Variants in SVOP observed in about 807,000 individuals in gnomAD.
SVOP encodes the protein SV2 related protein.
In SVOP, 17 loss-of-function variants were observed where a neutral mutation model predicts 69.1. The ratio of observed to expected loss-of-function variants is 0.25; its 90% confidence interval spans 0.17 to 0.37. The LOEUF (loss-of-function observed/expected upper bound fraction) is 0.37, where lower values mean the gene tolerates loss of function less well. Ranked by LOEUF, SVOP falls within the 10% of genes least tolerant of loss-of-function variation. SVOP has a pLI of 1.00. For synonymous variants in SVOP, 238 were observed against 238.6 expected (o/e 1.00, Z 0.02); for missense variants, 435 against 597.5 (o/e 0.73, Z 2.84).
chr12:109,000,220 A>T (rs1593205503), intron 1 of SVOP, among the ~76,000 whole-genome samples: 1 of 151,800 alleles, frequency 6.6e-6, no homozygotes, highest in South Asian at 2.1e-4. Context: ...GAAGAAATGG[A>T]TAAATTCCTC....
At chr12:108,928,198 G>A (rs760326882) in intron 11 of SVOP, among the ~76,000 whole-genome samples, 112 of 152,018 alleles carry the variant, frequency 7.4e-4, no homozygotes, top group African/African-American at 2.5e-3. Context: ...GCCACCATGC[G>A]CAGCCAACCC....
chr12:108,966,898 A>G (rs1460318321), intron 5 of SVOP, among the ~76,000 whole-genome samples: 1 of 152,080 alleles, frequency 6.6e-6, no homozygotes, highest in Non-Finnish European at 1.5e-5. Flanking sequence ...CCTGTATTTC[A>G]ATGCTGGCAT....
At chr12:109,012,897 C>G (rs531541695) in intron 1 of SVOP, among the ~76,000 whole-genome samples, 1 of 152,194 alleles carries the variant, frequency 6.6e-6, no homozygotes, top group East Asian at 1.9e-4. Flanking sequence ...CCACTGCACT[C>G]GAGCCTGGGC....
chr12:108,959,568 G>T (rs1192015919), intron 6 of SVOP, among the ~76,000 whole-genome samples: 1 of 151,980 alleles, frequency 6.6e-6, no homozygotes. Context: ...TGGTCAGGCT[G>T]GTCTCAAACT....
chr12:108,999,289 C>T (rs1208013093), intron 1 of SVOP, among the ~76,000 whole-genome samples: 7 of 147,526 alleles, frequency 4.7e-5, no homozygotes, highest in African/African-American at 1.2e-4. Flanking sequence ...GCACCCAATA[C>T]AGGAGCACCC....
intron 6 of SVOP, among the ~76,000 whole-genome samples, chr12:108,958,655 C>T (rs530834705): frequency 6.6e-6 from 1 of 152,244 alleles, no homozygotes; most frequent in South Asian, 2.1e-4. Flanking sequence ...ACTTGGTCTG[C>T]CCTTCAGGAC....
At chr12:108,962,707 T>C (rs1312363465) in intron 5 of SVOP, among the ~76,000 whole-genome samples, 1 of 152,182 alleles carries the variant, frequency 6.6e-6, no homozygotes, top group African/African-American at 2.4e-5. Context: ...GGCTCACATC[T>C]GTAATCCCAG....
At chr12:108,995,370 T>C (rs893488955) in intron 1 of SVOP, among the ~76,000 whole-genome samples, 6 of 152,008 alleles carry the variant, frequency 3.9e-5, no homozygotes, top group African/African-American at 1.4e-4. Context: ...CTTGAAGATA[T>C]TATGCGGAGT....
chr12:108,970,454 C>T (rs961554576), intron 5 of SVOP, among the ~76,000 whole-genome samples: 7 of 152,122 alleles, frequency 4.6e-5, no homozygotes, highest in Non-Finnish European at 8.8e-5. Context: ...CTATACAACG[C>T]GCTATTTTAT....
At chr12:108,916,372 T>C (rs764710663) in intron 14 of SVOP, among the ~76,000 whole-genome samples, 1 of 152,160 alleles carries the variant, frequency 6.6e-6, no homozygotes, top group Non-Finnish European at 1.5e-5. Context: ...TGTTTTCTCC[T>C]CTCCCTTCCC....
At chr12:109,010,541 T>A (rs533671917) in intron 1 of SVOP, among the ~76,000 whole-genome samples, 6 of 152,274 alleles carry the variant, frequency 3.9e-5, no homozygotes, top group African/African-American at 1.4e-4. Flanking sequence ...TCAGACTGGG[T>A]CTCACTTTGT....
At chr12:108,960,505 T>C (rs773539644) in intron 6 of SVOP, among the ~76,000 whole-genome samples, 10 of 152,216 alleles carry the variant, frequency 6.6e-5, no homozygotes, top group Non-Finnish European at 1.2e-4. Context: ...GCAGCATTCA[T>C]GGTAGCTAAA....
At chr12:108,968,609 T>C (rs1344358440) in intron 5 of SVOP, among the ~76,000 whole-genome samples, 1 of 152,082 alleles carries the variant, frequency 6.6e-6, no homozygotes, top group East Asian at 1.9e-4. Context: ...AAAGTTAAGG[T>C]ATTTTTACTC....
Position 108,969,554 on chromosome 12 carries a change from T to A in SVOP, c.453+2851A>T, listed in dbSNP as rs543515623. Among the ~76,000 whole-genome samples, 130 of 152,092 alleles carry A rather than the reference T, an allele frequency of 8.5e-4. 1 individual carries two copies. In the South Asian group the frequency reaches 0.027, roughly 31 times the overall value. Reference sequence around the variant, plus strand: ...GTTGGTCAGGCTGGTCTCGAACTTCTGACCTCAGGTCATCCTCCCACCTCG... The same window carrying A: ...GTTGGTCAGGCTGGTCTCGAACTTCAGACCTCAGGTCATCCTCCCACCTCG... On this transcript the variant is annotated intron_variant, in intron 5 of 15. Transcript: ENST00000610966.
At chr12:109,016,645 T>C (rs1277124147) in intron 1 of SVOP, among the ~76,000 whole-genome samples, 1 of 152,058 alleles carries the variant, frequency 6.6e-6, no homozygotes, top group African/African-American at 2.4e-5. Flanking sequence ...AAATCATATC[T>C]CCAGAGGATC....
intron 6 of SVOP, among the ~76,000 whole-genome samples, chr12:108,960,088 T>C (rs2040009157): frequency 6.6e-6 from 1 of 152,202 alleles, no homozygotes; most frequent in Non-Finnish European, 1.5e-5. Flanking sequence ...CTATTATCAT[T>C]TTTTAGGGTG....
intron 11 of SVOP, among the ~76,000 whole-genome samples, chr12:108,923,537 T>C (rs996059211): frequency 1.3e-5 from 2 of 152,088 alleles, no homozygotes; most frequent in African/African-American, 4.8e-5. Context: ...CAGTCCTGGC[T>C]GATGCCTTGA....
rs2039691717 is a variant in SVOP at position 108,912,672 on chromosome 12, C to A, written c.1510G>T (p.Ala504Ser). ...YSGCCLLAAL[A>S]SCFLPIETKG... ...GTCTCAATGGGCAAAAAGCAGGAGG[C>A]CAGGGCAGCCAGGAGGCAGCAGCCA... The change falls in exon 16 of 16, where the codon GCC becomes TCC. Residue 504 changes from alanine (A) to serine (S), a missense_variant. Coordinates refer to ENST00000610966, the MANE Select transcript of SVOP (RefSeq NM_018711.5). 8 of 1,613,948 alleles carry A rather than the reference C, an allele frequency of 5.0e-6. No homozygotes were observed. The highest frequency in any genetic ancestry group is 5.9e-6 in the Non-Finnish European group (7 of 1,179,892).
chr12:108,912,049 G>T lies in SVOP; in HGVS notation c.*486C>A. 1.9e-6 allele frequency: 1 copy of T among 536,372 alleles called. No individual in the cohort carries two copies. Among genetic ancestry groups the T allele is most frequent in the Non-Finnish European group, 2.4e-6 (1 of 417,526 alleles). 33.2% of individuals were successfully genotyped at this position (536,372 alleles called of 1,614,324 possible). ...GCCCCTGCCAGGAAATAGCTGCTCA[G>T]ACCACACCTAGATCGCCTGCAATTT... On this transcript the variant is annotated 3_prime_UTR_variant, in exon 16 of 16. Coordinates refer to ENST00000610966, the MANE Select transcript of SVOP (RefSeq NM_018711.5).
Sources: gnomAD v4.1 joint callset for allele counts (sites outside exome capture counted in the v4.1 genomes callset) on GRCh38, gnomAD v4.1.1 for gene constraint, MANE v1.5 for transcripts, NCBI Gene and HGNC (gene_info 2026-07-23, HGNC 2026-07-21) for gene names.